ATP7A: variants seen among roughly 807,000 people sequenced by gnomAD.
ATP7A encodes the protein copper-transporting ATPase 1.
Under a neutral mutation model 83.5 loss-of-function variants are expected in ATP7A, and 7 were observed. The observed-to-expected ratio is 0.08, with a 90% CI of 0.05 to 0.16. ATP7A has a LOEUF of 0.16. Among genes scored for constraint, ATP7A ranks in the 10% least tolerant of loss-of-function variants. The pLI, the probability that ATP7A is intolerant of heterozygous loss-of-function variation, is 1.00. For missense variants in ATP7A, 940 were observed against 1,120.8 expected, an observed-to-expected ratio of 0.84 and a Z score of 2.30; for synonymous variants, 354 against 395.2, an observed-to-expected ratio of 0.90 and a Z score of 1.24.
intron 12 of ATP7A, among the ~76,000 whole-genome samples, chrX:78,017,858 G>C (rs915480046): frequency 1.2e-4 from 11 of 93,178 alleles, no homozygotes; most frequent in Non-Finnish European, 2.0e-4. Flanking sequence ...CTCACTGCAA[G>C]CTCTGCCTCC....
chrX:77,947,110 A>G (rs1603374457), intron 1 of ATP7A, among the ~76,000 whole-genome samples: 2 of 112,185 alleles, frequency 1.8e-5, no homozygotes, highest in African/African-American at 6.5e-5. Context: ...GACACATGAT[A>G]CTACATGGGT....
At chrX:77,973,433 C>T (rs1459361435) in intron 2 of ATP7A, among the ~76,000 whole-genome samples, 2 of 111,941 alleles carry the variant, frequency 1.8e-5, no homozygotes, top group Non-Finnish European at 3.8e-5. Context: ...GAAAGTGTTC[C>T]ATTTTCTCCA....
intron 11 of ATP7A, 148 bp from the exon 12 acceptor site, chrX:78,015,606 A>G (rs1486971799): frequency 9.7e-6 from 7 of 721,066 alleles, no homozygotes; most frequent in East Asian, 3.2e-5. Context: ...CAAGACTGAC[A>G]TACTAGTTCC....
chrX:78,034,150 A>G (rs1328787662), intron 17 of ATP7A, among the ~76,000 whole-genome samples: 1 of 111,618 alleles, frequency 9.0e-6, no homozygotes, highest in Non-Finnish European at 1.9e-5. Flanking sequence ...TATTTTTTAT[A>G]TAGAAAATTA....
chrX:78,037,980 GTTT>G (rs782643561), intron 17 of ATP7A, among the ~76,000 whole-genome samples: 47 of 51,197 alleles, frequency 9.2e-4, no homozygotes, highest in African/African-American at 2.1e-3. Flanking sequence ...ATCAAGAAAG[GTTT>G]TTTTTTTTTT....
chrX:77,979,555 G>A (rs1265019509), intron 2 of ATP7A, among the ~76,000 whole-genome samples: 7 of 112,156 alleles, frequency 6.2e-5, no homozygotes, highest in African/African-American at 2.3e-4. Flanking sequence ...GAATATTTCT[G>A]AATCATAACT....
chrX:78,046,515 A>G lies in ATP7A; in HGVS notation c.4448A>G (p.Asp1483Gly). 7 of 1,211,669 alleles carry G rather than the reference A, an allele frequency of 5.8e-6. No individual in the cohort carries two copies. The highest frequency in any genetic ancestry group is 7.8e-6 in the Non-Finnish European group (7 of 895,485). ...AACAGTGTTGTTACCAGTGAACCTG[A>G]CAAGCACTCACTCCTGGTGGGAGAC... is the stretch of plus-strand genomic sequence containing the variant. ...SLNSVVTSEP[D>G]KHSLLVGDFR... Residue 1483 changes from aspartate (D) to glycine (G), a missense_variant, in exon 23 of 23, where the codon GAC (aspartate) becomes GGC (glycine). Around this residue, in one of 3 missense-constraint regions of ATP7A, gnomAD observed 386 missense variants for 502.2 expected, o/e 0.77. Coordinates refer to ENST00000341514, the MANE Select transcript of ATP7A (RefSeq NM_000052.7).
chrX:78,022,487 A>AAGTT (rs1569550068), intron 14 of ATP7A, among the ~76,000 whole-genome samples: 1 of 82,944 alleles, frequency 1.2e-5, no homozygotes, highest in African/African-American at 4.2e-5. Context: ...GTACATGTGC[A>AAGTT]TGTTTGTTTG....
intron 14 of ATP7A, among the ~76,000 whole-genome samples, chrX:78,025,521 G>GA (rs1380270045): frequency 1.5e-4 from 17 of 110,420 alleles, no homozygotes; most frequent in Admixed American, 2.9e-4. Context: ...GCCATATTAA[G>GA]AAAAAAAACA....
At chrX:78,037,987 T>G (rs945255451) in intron 17 of ATP7A, among the ~76,000 whole-genome samples, 1 of 89,764 alleles carries the variant, frequency 1.1e-5, no homozygotes, top group Non-Finnish European at 2.2e-5. Context: ...AAGGTTTTTT[T>G]TTTTTTTTTT....
chrX:77,960,107 G>T (rs1183117891), intron 1 of ATP7A, among the ~76,000 whole-genome samples: 6 of 112,626 alleles, frequency 5.3e-5, no homozygotes, highest in Non-Finnish European at 1.1e-4. Flanking sequence ...AAGGCTGGGC[G>T]TGGTGGCTCA....
At chrX:78,021,553 T>G (rs1284471103) in intron 14 of ATP7A, among the ~76,000 whole-genome samples, 1 of 112,041 alleles carries the variant, frequency 8.9e-6, no homozygotes, top group Admixed American at 9.5e-5. Context: ...TATTAAATGC[T>G]TTACAAATAT....
At chrX:78,010,636 G>A (rs185937527) in intron 7 of ATP7A, among the ~76,000 whole-genome samples, 2,161 of 87,256 alleles carry the variant, frequency 0.025, 69 homozygotes, top group African/African-American at 0.091. Flanking sequence ...CTGGAGTGCA[G>A]TGGTGCGATC....
chrX:77,947,348 G>T (rs1257118278), intron 1 of ATP7A, among the ~76,000 whole-genome samples: 1 of 111,538 alleles, frequency 9.0e-6, no homozygotes, highest in African/African-American at 3.3e-5. Flanking sequence ...GGTGGCGATG[G>T]TTGCACAACA....
intron 19 of ATP7A, among the ~76,000 whole-genome samples, chrX:78,042,116 C>CAA (rs1156427861): frequency 0.15 from 7,951 of 51,761 alleles, 650 homozygotes; most frequent in Non-Finnish European, 0.23. Context: ...GACTCTGTCT[C>CAA]AAAAAAAAAA....
intron 1 of ATP7A, among the ~76,000 whole-genome samples, chrX:77,915,347 T>C (rs1301047846): frequency 9.3e-6 from 1 of 107,118 alleles, no homozygotes; most frequent in African/African-American, 3.4e-5. Context: ...AAAAAGCCTG[T>C]CTTGTCTGGC....
chrX:77,953,048 C>A (rs1557226966), intron 1 of ATP7A, among the ~76,000 whole-genome samples: 1 of 111,848 alleles, frequency 8.9e-6, no homozygotes, highest in African/African-American at 3.2e-5. Context: ...TCCCAAAGTG[C>A]TGGGATTACA....
At chrX:78,024,205 G>A (rs2077927166) in intron 14 of ATP7A, among the ~76,000 whole-genome samples, 1 of 111,977 alleles carries the variant, frequency 8.9e-6, no homozygotes. Context: ...TAGTCTTTTA[G>A]TATAATTTGA....
At chrX:77,974,174 C>T (rs925822143) in intron 2 of ATP7A, among the ~76,000 whole-genome samples, 1 of 106,868 alleles carries the variant, frequency 9.4e-6, no homozygotes, top group Non-Finnish European at 1.9e-5. Flanking sequence ...AAGATAGTCT[C>T]ACTCTGTGAC....
Sources: allele counts gnomAD v4.1 joint callset (sites outside exome capture counted in the v4.1 genomes callset), GRCh38; gene constraint gnomAD v4.1.1; regional missense constraint gnomAD v4.1.1; transcripts MANE v1.5; gene names NCBI Gene and HGNC (gene_info 2026-07-23, HGNC 2026-07-21).